Variants in BPTF observed in about 807,000 individuals in gnomAD.
The protein encoded by BPTF is bromodomain PHD finger transcription factor, also known as nucleosome-remodeling factor subunit BPTF.
BPTF carries 18 observed loss-of-function variants against 292.5 expected under a neutral mutation model. That is an observed-to-expected ratio of 0.06 (90% CI 0.04 to 0.09). The LOEUF (loss-of-function observed/expected upper bound fraction) is 0.09. BPTF is among the 10% of genes least tolerant of loss of function. The pLI is 1.00. For synonymous variants in BPTF, 1,225 were observed against 1,251.9 expected (o/e 0.98, Z 0.45); for missense variants, 2,726 against 3,498.7 (o/e 0.78, Z 5.57).
chr17:67,848,948 T>G (rs2058221451), intron 1 of BPTF, among the ~76,000 whole-genome samples: 1 of 152,246 alleles, frequency 6.6e-6, no homozygotes, highest in African/African-American at 2.4e-5. Flanking sequence ...TCTTCAGAAT[T>G]CATGCAGACC....
At chr17:67,970,859 T>C (rs1162269430) in intron 26 of BPTF, among the ~76,000 whole-genome samples, 2 of 152,218 alleles carry the variant, frequency 1.3e-5, no homozygotes, top group Non-Finnish European at 2.9e-5. Flanking sequence ...TTTGCTAGTA[T>C]AAACAACATG....
chr17:67,909,698 G>C lies in BPTF; in HGVS notation c.2929G>C (p.Ala977Pro). The change falls in exon 10 of 28, where the codon GCT becomes CCT. Residue 977 changes from alanine (A) to proline (P), a missense_variant. Physicochemically the swap from Ala to Pro is conservative, Grantham distance 27 (BLOSUM62 -1). Transcript: ENST00000306378. Reference protein sequence around the residue: ...SEKDEVKGSDAAKGADQNEMD... With the variant: ...SEKDEVKGSDPAKGADQNEMD... ...AAAAGATGAGGTAAAAGGTTCAGAT[G>C]CTGCAAAAGGAGCAGACCAAAATGA... The C allele has an allele frequency of 6.3e-7, 1 of 1,599,530 alleles. No homozygotes were observed. Among genetic ancestry groups the C allele is most frequent in the Non-Finnish European group, 8.5e-7 (1 of 1,175,350 alleles).
chr17:67,854,819 C>T lies in BPTF; in HGVS notation c.1436+57C>T, dbSNP rs182900524. 23 of 1,260,556 alleles carry T rather than the reference C, an allele frequency of 1.8e-5. No individual in the cohort carries two copies. The highest frequency in any genetic ancestry group is 1.7e-4 in the East Asian group (7 of 41,574). 78.1% of individuals were successfully genotyped at this position (1,260,556 alleles called of 1,614,324 possible). On this transcript the variant is annotated intron_variant, in intron 2 of 27. Transcript: ENST00000306378. The surrounding 1 kb of genome is among the most constrained non-coding windows in gnomAD (Gnocchi z 5.6). ...CATTTAAAATTAGACTAGTTTCCTT[C>T]GTGATTGATGTAGCAGAGCTATGCT...
intron 8 of BPTF, 82 bp downstream of exon 8, chr17:67,904,000 T>A: frequency 1.7e-6 from 2 of 1,145,456 alleles, no homozygotes; most frequent in East Asian, 5.2e-5. Context: ...TTACTAATTT[T>A]ATTTTTGACA....
chr17:67,872,953 G>A (rs796459965), intron 3 of BPTF, among the ~76,000 whole-genome samples: 52 of 152,234 alleles, frequency 3.4e-4, no homozygotes, highest in African/African-American at 1.2e-3. Context: ...CAGGCGTGGT[G>A]ACACATACCT....
In BPTF at chr17:67,940,495, G is replaced by A. The variant is rs2065277836; in HGVS notation, c.6316G>A (p.Val2106Ile). 6.2e-7 allele frequency: 1 copy of A among 1,614,022 alleles called. No individual in the cohort carries two copies. The highest frequency in any genetic ancestry group is 1.7e-5 in the Admixed American group (1 of 59,986). Residue 2106 changes from valine (V) to isoleucine (I), a missense_variant, in exon 19 of 28, where the codon GTC (valine) becomes ATC (isoleucine). Val to Ile is a conservative substitution (Grantham distance 29). This residue lies in a region of BPTF where 570 missense variants were observed against 633.5 expected (regional missense o/e 0.90). Coordinates refer to ENST00000306378, the MANE Select transcript of BPTF (RefSeq NM_182641.4). ...IIRGQPVSTA[V>I]SAPNTVSSTP... is the part of the protein sequence containing the mutation. ...CAGGGGGCAGCCTGTCTCCACTGCA[G>A]TCTCCGCCCCTAACACGGTTTCCTC...
chr17:67,844,120 C>T (rs564861678), intron 1 of BPTF, among the ~76,000 whole-genome samples: 1 of 144,216 alleles, frequency 6.9e-6, no homozygotes, highest in East Asian at 2.0e-4. Flanking sequence ...CACTCTGTCA[C>T]CCAGGCCGGA....
intron 17 of BPTF, among the ~76,000 whole-genome samples, chr17:67,930,727 T>G (rs1032694202): frequency 9.2e-5 from 14 of 151,576 alleles, no homozygotes; most frequent in Non-Finnish European, 1.8e-4. Context: ...GAGGATCACT[T>G]GAGGCCAGGA....
chr17:67,829,243 C>T, intron 1 of BPTF, among the ~76,000 whole-genome samples: 1 of 151,426 alleles, frequency 6.6e-6, no homozygotes, highest in Non-Finnish European at 1.5e-5. Context: ...TATTGCTTGC[C>T]AGGCATTTTC....
At chr17:67,919,218 T>TAATAATA (rs367551787) in intron 12 of BPTF, among the ~76,000 whole-genome samples, 2 of 126,266 alleles carry the variant, frequency 1.6e-5, no homozygotes, top group African/African-American at 7.3e-5. Flanking sequence ...ATAATAATAA[T>TAATAATA]AAAATATAAT....
chr17:67,874,917 T>C lies in BPTF; in HGVS notation c.1761T>C (p.Ser587=). The C allele has an allele frequency of 6.2e-7, 1 of 1,613,740 alleles. No homozygotes were observed. Among genetic ancestry groups the C allele is most frequent in the Non-Finnish European group, 8.5e-7 (1 of 1,179,832 alleles). The part of the protein sequence containing the change: ...EKDKNETEND[S]KDAEKNREEF... ...ACAAGAATGAGACTGAGAATGACTC[T>C]AAAGATGCTGAGAAAAACAGAGAAG... Residue 587 remains serine, a synonymous_variant, in exon 4 of 28, where the codon TCT becomes TCC. Coordinates refer to ENST00000306378, the MANE Select transcript of BPTF (RefSeq NM_182641.4).
chr17:67,872,862 C>T (rs2059829344), intron 3 of BPTF, among the ~76,000 whole-genome samples: 1 of 152,152 alleles, frequency 6.6e-6, no homozygotes, highest in South Asian at 2.1e-4. Context: ...TTTGGTAGGC[C>T]AAGGCACGGG....
At chr17:67,863,934 C>T (rs1354616572) in intron 2 of BPTF, among the ~76,000 whole-genome samples, 1 of 145,238 alleles carries the variant, frequency 6.9e-6, no homozygotes, top group African/African-American at 2.4e-5. Flanking sequence ...TATGTTTGCT[C>T]TTAATTATAT....
Position 67,866,525 on chromosome 17 carries a change from C to G in BPTF, c.1498C>G (p.Leu500Val). 6.2e-7 allele frequency: 1 copy of G among 1,614,118 alleles called. No individual in the cohort carries two copies. The highest frequency in any genetic ancestry group is 8.5e-7 in the Non-Finnish European group (1 of 1,179,990). ...TTGGTATTACAGCACAAAGGTCCAA[C>G]TTGCAGAATTAATTGACTGTCTAGA... Reference protein sequence around the residue: ...KIWYYSTKVQLAELIDCLDKD... With the variant: ...KIWYYSTKVQVAELIDCLDKD... Residue 500 changes from leucine (L) to valine (V), a missense_variant, in exon 3 of 28, where the codon CTT becomes GTT. By Grantham distance (32) the Leu-to-Val change is conservative. This residue lies in a region of BPTF where 187 missense variants were observed against 201.5 expected (regional missense o/e 0.93). Coordinates refer to ENST00000306378, the MANE Select transcript of BPTF (RefSeq NM_182641.4).
chr17:67,923,153 T>C (rs2063574989), intron 14 of BPTF, among the ~76,000 whole-genome samples, 163 bp downstream of exon 14: 1 of 150,702 alleles, frequency 6.6e-6, no homozygotes, highest in Non-Finnish European at 1.5e-5. Flanking sequence ...CCTCCCAGGC[T>C]CGAGTGATCC....
chr17:67,875,829 A>T, intron 4 of BPTF: 1 of 1,150,710 alleles, frequency 8.7e-7, no homozygotes, highest in East Asian at 3.1e-5. Context: ...CTAAAACCTT[A>T]AACTATGTGT....
chr17:67,912,053 A>G lies in BPTF; in HGVS notation c.4169A>G (p.Asn1390Ser). 1 of 1,611,560 alleles carries G rather than the reference A, an allele frequency of 6.2e-7. No homozygotes were observed. Among genetic ancestry groups the G allele is most frequent in the South Asian group, 1.1e-5 (1 of 90,314 alleles). The change falls in exon 11 of 28, where the codon AAT (asparagine) becomes AGT (serine). Residue 1390 changes from asparagine to serine, a missense_variant. Coordinates refer to ENST00000306378, the MANE Select transcript of BPTF (RefSeq NM_182641.4). Reference sequence around the variant, plus strand: ...AAAAATACCACTGACAAAAAGAATAATGAAAATCGAGAGTCTGAAAAGAAA... The same window carrying G: ...AAAAATACCACTGACAAAAAGAATAGTGAAAATCGAGAGTCTGAAAAGAAA... Reference protein sequence around the residue: ...KLKNTTDKKNNENRESEKKGQ... With the variant: ...KLKNTTDKKNSENRESEKKGQ...
intron 4 of BPTF, among the ~76,000 whole-genome samples, chr17:67,876,943 TGA>T (rs903258479): frequency 3.9e-5 from 6 of 152,092 alleles, no homozygotes; most frequent in Admixed American, 3.3e-4. Context: ...ATTAGCAGGG[TGA>T]GAGTGTTGGA....
chr17:67,837,123 G>A, intron 1 of BPTF, among the ~76,000 whole-genome samples: 1 of 152,172 alleles, frequency 6.6e-6, no homozygotes, highest in Non-Finnish European at 1.5e-5. Context: ...GTAAAGACAT[G>A]AAGTGCCCCC....
Sources: allele counts gnomAD v4.1 joint callset (sites outside exome capture counted in the v4.1 genomes callset), GRCh38; gene constraint gnomAD v4.1.1; regional missense constraint gnomAD v4.1.1; non-coding constraint Gnocchi (gnomAD v3.1); transcripts MANE v1.5; gene names NCBI Gene and HGNC (gene_info 2026-07-23, HGNC 2026-07-21).